FHIT: variants seen among roughly 807,000 people sequenced by gnomAD.
FHIT encodes bis(5'-adenosyl)-triphosphatase.
In FHIT, 19 loss-of-function variants were observed where a neutral mutation model predicts 17.9. The ratio of observed to expected loss-of-function variants is 1.06; its 90% CI spans 0.74 to 1.56. The LOEUF is 1.56. Ranked by LOEUF, FHIT falls within the 40% of genes most tolerant of loss-of-function variation. FHIT has a pLI of 0.00. For synonymous variants in FHIT, 81 were observed against 69.7 expected (o/e 1.16, Z -0.81); for missense variants, 248 against 189.2 (o/e 1.31, Z -1.82).
At chr3:60,974,431 A>G (rs1710151773) in intron 3 of FHIT, among the ~76,000 whole-genome samples, 1 of 152,190 alleles carries the variant, frequency 6.6e-6, no homozygotes, top group Non-Finnish European at 1.5e-5. Flanking sequence ...ACACTACTGG[A>G]AAGAGAATTG....
At chr3:60,004,609 G>A (rs765880888) in intron 7 of FHIT, among the ~76,000 whole-genome samples, 1 of 152,098 alleles carries the variant, frequency 6.6e-6, no homozygotes, top group East Asian at 1.9e-4. Flanking sequence ...CTGTGCTTGA[G>A]TTTCTTCTAC....
intron 5 of FHIT, among the ~76,000 whole-genome samples, chr3:60,040,674 A>C (rs1369370189): frequency 6.6e-6 from 1 of 152,146 alleles, no homozygotes; most frequent in East Asian, 1.9e-4. Context: ...TGTATCATAA[A>C]GATTTAGGAC....
At chr3:61,117,103 T>G (rs1445307566) in intron 2 of FHIT, among the ~76,000 whole-genome samples, 1 of 152,176 alleles carries the variant, frequency 6.6e-6, no homozygotes, top group African/African-American at 2.4e-5. Context: ...ATTAAGGCCT[T>G]CCAATAATTT....
chr3:59,935,779 A>G (rs574488227), intron 7 of FHIT, among the ~76,000 whole-genome samples: 46 of 152,112 alleles, frequency 3.0e-4, no homozygotes, highest in African/African-American at 1.1e-3. Context: ...GGATGGATGA[A>G]TGGATGGTTA....
intron 2 of FHIT, among the ~76,000 whole-genome samples, chr3:61,054,411 T>C (rs376383963): frequency 6.6e-6 from 1 of 152,250 alleles, no homozygotes; most frequent in African/African-American, 2.4e-5. Context: ...GATAAATTAC[T>C]TTAAAAGGGT....
At chr3:59,750,057 T>TGTAACAAGTTAGGGTAA (rs2106715895) in intron 9 of FHIT, 1 of 224,988 alleles carries the variant, frequency 4.4e-6, no homozygotes, top group South Asian at 1.8e-4. Context: ...CAATAGTTTG[T>TGTAACAAGTTAGGGTAA]GTAACAAGTT....
chr3:61,212,374 A>G (rs1050952716), intron 1 of FHIT, among the ~76,000 whole-genome samples: 1 of 152,250 alleles, frequency 6.6e-6, no homozygotes, highest in African/African-American at 2.4e-5. Flanking sequence ...TCAGGAGCCG[A>G]TGCGATCAAC....
At chr3:60,852,904 T>C (rs1703212559) in intron 3 of FHIT, among the ~76,000 whole-genome samples, 1 of 152,006 alleles carries the variant, frequency 6.6e-6, no homozygotes, top group Admixed American at 6.6e-5. Flanking sequence ...TAAACAAATT[T>C]CAAAAGGCAG....
chr3:60,269,316 C>T (rs539579458), intron 5 of FHIT, among the ~76,000 whole-genome samples: 1 of 152,330 alleles, frequency 6.6e-6, no homozygotes, highest in African/African-American at 2.4e-5. Flanking sequence ...TAGTTAATCA[C>T]TGGAGTTTTC....
chr3:60,233,595 T>A (rs1267050338), intron 5 of FHIT, among the ~76,000 whole-genome samples: 1 of 152,156 alleles, frequency 6.6e-6, no homozygotes. Flanking sequence ...TTCATAATCC[T>A]TATCACTTTT....
chr3:61,167,353 G>A (rs2037868894), intron 2 of FHIT, among the ~76,000 whole-genome samples: 1 of 151,726 alleles, frequency 6.6e-6, no homozygotes, highest in Non-Finnish European at 1.5e-5. Context: ...AAAGAAATAC[G>A]GGGCTGGGTG....
intron 4 of FHIT, among the ~76,000 whole-genome samples, chr3:60,595,720 T>C (rs1553666158): frequency 6.6e-6 from 1 of 152,000 alleles, no homozygotes; most frequent in African/African-American, 2.4e-5. Flanking sequence ...TATAGCTCAC[T>C]GAAGCCTCAA....
At chr3:61,159,478 G>C (rs2037627255) in intron 2 of FHIT, among the ~76,000 whole-genome samples, 2 of 152,118 alleles carry the variant, frequency 1.3e-5, no homozygotes. Flanking sequence ...GGATACACAT[G>C]CCATGTTTCT....
At chr3:60,920,025 C>T (rs1422756404) in intron 3 of FHIT, among the ~76,000 whole-genome samples, 28 of 150,708 alleles carry the variant, frequency 1.9e-4, no homozygotes, top group Non-Finnish European at 3.7e-4. Context: ...CAGAGCGAGA[C>T]TCCGTCTCAA....
At position 60,762,962 on chromosome 3, in the gene FHIT, TC is replaced by T. The variant is rs1553720421; in HGVS notation, c.-18+58956del. Reference sequence around the variant, plus strand: ...AACGGCTTAAAATCGATCATCTCTGTCTCTCTCTGGAGAACCCTGACTGCTA... The same window carrying T: ...AACGGCTTAAAATCGATCATCTCTGTTCTCTCTGGAGAACCCTGACTGCTA... On this transcript the variant is annotated intron_variant, in intron 4 of 9. Transcript: ENST00000492590. 2.6e-5 allele frequency among the ~76,000 whole-genome samples: 4 copies of T among 152,260 alleles called. No homozygotes were observed. The East Asian group carries it at 7.7e-4, about 29-fold the overall frequency.
At chr3:60,578,881 G>A (rs1553658642) in intron 4 of FHIT, among the ~76,000 whole-genome samples, 1 of 152,032 alleles carries the variant, frequency 6.6e-6, no homozygotes, top group Non-Finnish European at 1.5e-5. Context: ...CTAATTCCTA[G>A]GAAACATTTT....
intron 4 of FHIT, among the ~76,000 whole-genome samples, chr3:60,751,463 C>G (rs1411568767): frequency 1.3e-5 from 2 of 152,066 alleles, no homozygotes; most frequent in Non-Finnish European, 2.9e-5. Context: ...ATCCAAAAAG[C>G]AAAATATGGG....
chr3:60,875,684 T>C (rs1197632924), intron 3 of FHIT, among the ~76,000 whole-genome samples: 2 of 138,248 alleles, frequency 1.4e-5, no homozygotes, highest in African/African-American at 5.2e-5. Context: ...ATGCCAGGCA[T>C]AGTCCTAAGC....
chr3:60,296,717 C>T (rs146467997), intron 5 of FHIT, among the ~76,000 whole-genome samples: 1 of 151,872 alleles, frequency 6.6e-6, no homozygotes, highest in Non-Finnish European at 1.5e-5. Flanking sequence ...GTCCAAGAAC[C>T]CTTTGCCTAG....
Sources: gnomAD v4.1 joint callset for allele counts (sites outside exome capture counted in the v4.1 genomes callset) on GRCh38, gnomAD v4.1.1 for gene constraint, MANE v1.5 for transcripts, NCBI Gene and HGNC (gene_info 2026-07-23, HGNC 2026-07-21) for gene names.